KYAT3: variants seen among roughly 807,000 people sequenced by gnomAD.
KYAT3 encodes kynurenine aminotransferase 3.
In KYAT3, 50 loss-of-function variants were observed where a neutral mutation model predicts 59.0. That is an observed-to-expected ratio of 0.85 (90% confidence interval 0.68 to 1.07). The LOEUF is 1.07. Among genes scored for constraint, KYAT3 ranks in the 50% least tolerant of loss-of-function variants. The pLI, the probability that KYAT3 is intolerant of heterozygous loss-of-function variation, is 0.00. For missense variants in KYAT3, 497 were observed against 533.3 expected (o/e 0.93, Z 0.67); for synonymous variants, 148 against 177.0 (o/e 0.84, Z 1.30).
downstream of KYAT3, among the ~76,000 whole-genome samples, chr1:88,935,542 T>C (rs370986193): frequency 7.0e-4 from 106 of 152,080 alleles, no homozygotes; most frequent in African/African-American, 2.4e-3. Flanking sequence ...GCAGTGGAGG[T>C]GAACATCACC....
chr1:88,974,091 T>C (rs1311834123), intron 2 of KYAT3, among the ~76,000 whole-genome samples: 1 of 152,030 alleles, frequency 6.6e-6, no homozygotes, highest in Non-Finnish European at 1.5e-5. Context: ...GCAAAGCTCA[T>C]GGATGGAGAG....
At chr1:88,969,142 C>T (rs754681506) in intron 3 of KYAT3, among the ~76,000 whole-genome samples, 8 of 152,190 alleles carry the variant, frequency 5.3e-5, no homozygotes, top group Non-Finnish European at 7.3e-5. Context: ...AGAAAAGTTC[C>T]TGGATTGGAG....
chr1:88,926,019 G>A, the KYAT3 span, among the ~76,000 whole-genome samples: 1 of 151,964 alleles, frequency 6.6e-6, no homozygotes, highest in Middle Eastern at 3.2e-3. Flanking sequence ...AGGAACCCGC[G>A]GGTGGCCCAA....
At chr1:88,932,864 T>C (rs947945407), downstream of KYAT3, among the ~76,000 whole-genome samples, 10 of 152,292 alleles carry the variant, frequency 6.6e-5, no homozygotes, top group African/African-American at 2.4e-4. Context: ...ATCATCCTTA[T>C]AATAAGTCCT....
At chr1:88,925,071 T>C in the KYAT3 span, among the ~76,000 whole-genome samples, 1 of 152,174 alleles carries the variant, frequency 6.6e-6, no homozygotes. Flanking sequence ...GTGAGTAATA[T>C]TAGACCACTT....
At chr1:88,973,616 T>C (rs1002388184) in intron 2 of KYAT3, among the ~76,000 whole-genome samples, 2 of 152,214 alleles carry the variant, frequency 1.3e-5, no homozygotes, top group Non-Finnish European at 2.9e-5. Flanking sequence ...TATACTTCCA[T>C]GTTATTAACG....
chr1:88,924,801 T>G, the KYAT3 span, among the ~76,000 whole-genome samples: 3 of 152,218 alleles, frequency 2.0e-5, no homozygotes, highest in African/African-American at 7.2e-5. Context: ...CATGGCTAAG[T>G]GCCCGGGTTC....
intron 2 of KYAT3, chr1:88,982,688 C>T (rs1677158084): frequency 6.2e-7 from 1 of 1,613,422 alleles, no homozygotes; most frequent in Non-Finnish European, 8.5e-7. Context: ...TCTATCAGAT[C>T]GGCTTCCTCC....
At chr1:88,957,333 C>T (rs1455754994) in intron 8 of KYAT3, among the ~76,000 whole-genome samples, 1 of 152,138 alleles carries the variant, frequency 6.6e-6, no homozygotes, top group Non-Finnish European at 1.5e-5. Context: ...TCCAAAAGAA[C>T]ACTATGACAC....
intron 2 of KYAT3, among the ~76,000 whole-genome samples, chr1:88,985,292 C>T (rs1265424796): frequency 6.6e-6 from 1 of 152,210 alleles, no homozygotes; most frequent in Non-Finnish European, 1.5e-5. Context: ...TGCCTGCCTA[C>T]ACTGTGTAAT....
intron 5 of KYAT3, among the ~76,000 whole-genome samples, chr1:88,964,071 C>T (rs182217068): frequency 2.0e-5 from 3 of 152,192 alleles, no homozygotes; most frequent in East Asian, 1.9e-4. Flanking sequence ...GGCTTCGTGG[C>T]GGGCGCCTGT....
downstream of KYAT3, among the ~76,000 whole-genome samples, chr1:88,933,465 A>G (rs1340471711): frequency 1.3e-5 from 2 of 152,106 alleles, no homozygotes; most frequent in Non-Finnish European, 2.9e-5. Context: ...CAAAGGAAAG[A>G]AGGAAGGGAG....
chr1:88,984,230 T>G (rs922577081), intron 2 of KYAT3, among the ~76,000 whole-genome samples: 33 of 128,230 alleles, frequency 2.6e-4, no homozygotes, highest in African/African-American at 1.3e-3. Context: ...TTTTTTTTTT[T>G]GTAGACAGGA....
At chr1:88,956,945 G>T (rs950854064) in intron 8 of KYAT3, among the ~76,000 whole-genome samples, 3 of 151,704 alleles carry the variant, frequency 2.0e-5, no homozygotes, top group African/African-American at 7.3e-5. Flanking sequence ...CACAAGTGGG[G>T]GCTCTTGTAT....
At chr1:88,942,908 A>T in intron 13 of KYAT3, 97 bp downstream of exon 13, 1 of 951,068 alleles carries the variant, frequency 1.1e-6, no homozygotes, top group Non-Finnish European at 1.6e-6. Context: ...TAAAAACTGC[A>T]TATGAGCATA....
downstream of KYAT3, among the ~76,000 whole-genome samples, chr1:88,931,116 T>A (rs1444335273): frequency 6.6e-6 from 1 of 152,074 alleles, no homozygotes; most frequent in Admixed American, 6.5e-5. Context: ...GGAAATTACT[T>A]AAAACCCTTC....
chr1:88,980,045 G>C (rs901089019), intron 2 of KYAT3: 3 of 152,266 alleles, frequency 2.0e-5, no homozygotes, highest in Non-Finnish European at 2.9e-5. Flanking sequence ...CATTGTGTGT[G>C]AAAGAAACCA....
At chr1:88,984,011 C>T (rs1490335948) in intron 2 of KYAT3, 1 of 514,436 alleles carries the variant, frequency 1.9e-6, no homozygotes, top group African/African-American at 2.3e-5. Context: ...ATTCAAAAAA[C>T]CAGGAAAATT....
At chr1:88,924,790 G>T in the KYAT3 span, among the ~76,000 whole-genome samples, 2 of 152,180 alleles carry the variant, frequency 1.3e-5, no homozygotes, top group Non-Finnish European at 2.9e-5. Flanking sequence ...CATTGTTCCT[G>T]CATGGCTAAG....
Sources: allele counts gnomAD v4.1 joint callset (sites outside exome capture counted in the v4.1 genomes callset), GRCh38; gene constraint gnomAD v4.1.1; transcripts MANE v1.5; gene names NCBI Gene and HGNC (gene_info 2026-07-23, HGNC 2026-07-21).